Variants in TBCD observed in about 807,000 individuals in gnomAD.
TBCD encodes tubulin folding cofactor D, also known as tubulin-specific chaperone D.
A neutral mutation model predicts 169.3 loss-of-function variants in TBCD; 105 were observed. The ratio of observed to expected loss-of-function variants is 0.62; its 90% CI spans 0.53 to 0.73. The LOEUF is 0.73. TBCD is among the 30% of genes least tolerant of loss of function. The pLI, the probability that TBCD is intolerant of heterozygous loss-of-function variation, is 0.00. For missense variants in TBCD, 1,444 were observed against 1,600.1 expected, an observed-to-expected ratio of 0.90 and a Z score of 1.66; for synonymous variants, 700 against 643.9, an observed-to-expected ratio of 1.09 and a Z score of -1.32.
At chr17:82,786,643 C>T (rs2049333905) in intron 7 of TBCD, among the ~76,000 whole-genome samples, 1 of 152,062 alleles carries the variant, frequency 6.6e-6, no homozygotes, top group African/African-American at 2.4e-5. Context: ...TCTGGCCAGG[C>T]TGGCTGTGGG....
At chr17:82,929,050 A>C in intron 30 of TBCD, 63 bp from the exon 31 acceptor site, 1 of 1,562,730 alleles carries the variant, frequency 6.4e-7, no homozygotes, top group South Asian at 1.2e-5. Flanking sequence ...GCCTGTGCTC[A>C]GTTTACCGCC....
At chr17:82,860,420 G>A (rs923659462) in intron 13 of TBCD, 2 of 985,530 alleles carry the variant, frequency 2.0e-6, no homozygotes, top group South Asian at 4.7e-5. Flanking sequence ...CGGACAGCGA[G>A]GGGGACAGAC....
chr17:82,791,912 T>G (rs1325016153), intron 7 of TBCD, among the ~76,000 whole-genome samples: 1 of 152,194 alleles, frequency 6.6e-6, no homozygotes, highest in African/African-American at 2.4e-5. Context: ...TGTGGCCCGC[T>G]GCTCCCAGGC....
intron 27 of TBCD, 22 bp downstream of exon 27, chr17:82,925,079 G>A: frequency 6.5e-7 from 1 of 1,535,514 alleles, no homozygotes; most frequent in South Asian, 1.2e-5. Context: ...CACGCGCAGT[G>A]GACGGGGCCT....
At chr17:82,846,552 C>T (rs1401045428) in intron 13 of TBCD, among the ~76,000 whole-genome samples, 1 of 152,214 alleles carries the variant, frequency 6.6e-6, no homozygotes, top group Non-Finnish European at 1.5e-5. Flanking sequence ...TGGCTGAGAC[C>T]CAGGGGAAGC....
At position 82,801,079 on chromosome 17, in the gene TBCD, C is replaced by T. The variant is rs901000115; in HGVS notation, c.950+83C>T. 228 of 805,384 alleles carry T rather than the reference C, an allele frequency of 2.8e-4. No homozygotes were observed. In the Middle Eastern group the frequency reaches 4.7e-3, roughly 17 times the overall value. The allele number at this position is 805,384 out of a possible 1,614,324, so 49.9% of individuals were successfully genotyped here. ...GGGGGGCAGGCGCCATTGATGAGGG[C>T]GGGGCAGGTGCTGTTGGGGCAGGTG... On this transcript the variant is annotated intron_variant, in intron 9 of 38. Coordinates refer to ENST00000355528, the MANE Select transcript of TBCD (RefSeq NM_005993.5).
chr17:82,781,495 G>C (rs1289071494), intron 6 of TBCD, 94 bp from the exon 7 acceptor site: 9 of 1,508,682 alleles, frequency 6.0e-6, no homozygotes, highest in Non-Finnish European at 8.1e-6. Flanking sequence ...TGAGGTGGGA[G>C]GGCCTGGGGA....
At chr17:82,887,461 C>T (rs1228750140) in intron 15 of TBCD, among the ~76,000 whole-genome samples, 14 of 152,138 alleles carry the variant, frequency 9.2e-5, no homozygotes, top group Admixed American at 3.3e-4. Context: ...AGACCCACCC[C>T]GAGCGTGGTG....
chr17:82,758,419 A>ATAAATAAT (rs1467354633), intron 2 of TBCD, among the ~76,000 whole-genome samples: 3 of 135,588 alleles, frequency 2.2e-5, no homozygotes, highest in South Asian at 4.6e-4. Flanking sequence ...AAATAAATAA[A>ATAAATAAT]TTTTTTTTTT....
At chr17:82,934,701 A>G (rs1166338126) in intron 34 of TBCD, among the ~76,000 whole-genome samples, 1 of 151,408 alleles carries the variant, frequency 6.6e-6, no homozygotes, top group Non-Finnish European at 1.5e-5. Context: ...CGAACTCCCG[A>G]CCTGAGGTGA....
At chr17:82,877,872 TCTG>T (rs1753291121) in intron 14 of TBCD, among the ~76,000 whole-genome samples, 1 of 152,228 alleles carries the variant, frequency 6.6e-6, no homozygotes, top group Non-Finnish European at 1.5e-5. Context: ...GGAGTGCTTT[TCTG>T]TTCATAGAGT....
At chr17:82,939,559 C>T in intron 37 of TBCD, 83 bp downstream of exon 37, 1 of 1,124,912 alleles carries the variant, frequency 8.9e-7, no homozygotes, top group Non-Finnish European at 1.3e-6. Context: ...TCGTCTCTCC[C>T]AAAACCCTCT....
chr17:82,788,621 C>T (rs927929948), intron 7 of TBCD, among the ~76,000 whole-genome samples: 3 of 152,202 alleles, frequency 2.0e-5, no homozygotes, highest in Non-Finnish European at 4.4e-5. Context: ...GCACTGTCAG[C>T]CTCACTCCCA....
At chr17:82,755,193 A>G (rs868824972) in intron 1 of TBCD, among the ~76,000 whole-genome samples, 5 of 152,248 alleles carry the variant, frequency 3.3e-5, no homozygotes, top group African/African-American at 4.8e-5. Context: ...CCTGGAATCC[A>G]TAGAAGGGAT....
At position 82,830,492 on chromosome 17, in the gene TBCD, C is replaced by T. The variant is rs945752420; in HGVS notation, c.1318+15558C>T. The T allele has an allele frequency of 2.5e-6, 4 of 1,613,438 alleles. No individual in the cohort carries two copies. The highest frequency in any genetic ancestry group is 1.3e-5 in the African/African-American group (1 of 75,052). The stretch of plus-strand genomic sequence containing the variant: ...TCGCCGGGGCCTGTGGGTGGGGCCC[C>T]GTCACCGTCGAGGCTGCCTGGCTTG... On this transcript the variant is annotated intron_variant, in intron 13 of 38. Coordinates refer to ENST00000355528, the MANE Select transcript of TBCD (RefSeq NM_005993.5).
intron 14 of TBCD, 37 bp downstream of exon 14, chr17:82,870,417 GC>G: frequency 1.3e-6 from 2 of 1,597,484 alleles, no homozygotes; most frequent in Non-Finnish European, 1.7e-6. Context: ...GATGCGCCGT[GC>G]CCCCTGACGG....
intron 24 of TBCD, 84 bp from the exon 25 acceptor site, chr17:82,921,417 T>A: frequency 9.3e-7 from 1 of 1,077,902 alleles, no homozygotes. Context: ...TTAAGATTAG[T>A]ATTAATAGAA....
Position 82,889,821 on chromosome 17 carries a change from A to G in TBCD, c.1563+124A>G. ...GATGTGGTGTGGCTACATCAATGCC[A>G]GGGTCATGAGTTCACTATAGGACGC... On this transcript the variant is annotated intron_variant, in intron 16 of 38. Transcript: ENST00000355528. The surrounding 1 kb of genome is among the most constrained non-coding windows in gnomAD (Gnocchi z 5.3). 9.0e-7 allele frequency: 1 copy of G among 1,107,260 alleles called. No homozygotes were observed. 68.6% of individuals were successfully genotyped at this position (1,107,260 alleles called of 1,614,324 possible). A position where few individuals can be genotyped will look rare whatever the true frequency, so the allele number is the denominator to read the frequency against.
chr17:82,812,381 C>T (rs982740739), intron 12 of TBCD, among the ~76,000 whole-genome samples: 1 of 152,082 alleles, frequency 6.6e-6, no homozygotes, highest in Non-Finnish European at 1.5e-5. Context: ...TTGAGCTTTA[C>T]GGTTTCATCG....
Sources: allele counts gnomAD v4.1 joint callset (sites outside exome capture counted in the v4.1 genomes callset), GRCh38; gene constraint gnomAD v4.1.1; non-coding constraint Gnocchi (gnomAD v3.1); transcripts MANE v1.5; gene names NCBI Gene and HGNC (gene_info 2026-07-23, HGNC 2026-07-21).